ITGB7: variants seen among roughly 807,000 people sequenced by gnomAD.
The protein encoded by ITGB7 is integrin beta-7.
A neutral mutation model predicts 83.4 loss-of-function variants in ITGB7; 55 were observed. The ratio of observed to expected loss-of-function variants is 0.66; its 90% CI spans 0.53 to 0.83. The LOEUF (loss-of-function observed/expected upper bound fraction) is 0.83. Among genes scored for constraint, ITGB7 ranks in the 40% least tolerant of loss-of-function variants. The probability of loss-of-function intolerance (pLI) is 0.00; values close to 1 mark genes in which losing one functional copy is unlikely to be tolerated. For synonymous variants in ITGB7, 454 were observed against 423.6 expected, an observed-to-expected ratio of 1.07 and a Z score of -0.88; for missense variants, 921 against 1,046.7, an observed-to-expected ratio of 0.88 and a Z score of 1.66.
At position 53,207,235 on chromosome 12, in the gene ITGB7, A is replaced by G. The variant is rs1277296934; in HGVS notation, c.-160T>C. The G allele has an allele frequency of 6.5e-6, 1 of 152,692 alleles. No homozygotes were observed. Among genetic ancestry groups the G allele is most frequent in the African/African-American group, 2.4e-5 (1 of 41,418 alleles). 9.5% of individuals were successfully genotyped at this position (152,692 alleles called of 1,614,324 possible). A position where few individuals can be genotyped will look rare whatever the true frequency, so the allele number is the denominator to read the frequency against. On this transcript the variant is annotated 5_prime_UTR_variant, in exon 1 of 16. Transcript: ENST00000267082. The stretch of plus-strand genomic sequence containing the variant: ...GCAGAGCAGTCCTTCCTCTGGCGGC[A>G]GCAGCAGCCTTTGTGTACTGATCTG...
chr12:53,203,912 T>C (rs2120531244), intron 1 of ITGB7, among the ~76,000 whole-genome samples: 1 of 152,280 alleles, frequency 6.6e-6, no homozygotes, highest in South Asian at 2.1e-4. Flanking sequence ...CTCTTAGGTA[T>C]ATACTCAGAA....
At chr12:53,203,647 CAAAAAAAA>C (rs1158624130) in intron 1 of ITGB7, among the ~76,000 whole-genome samples, 174 of 51,060 alleles carry the variant, frequency 3.4e-3, no homozygotes, top group African/African-American at 9.0e-3. Context: ...GACCCTGTCT[CAAAAAAAA>C]AAAAAAAAAA....
At chr12:53,194,930 G>C (rs894694849) in intron 9 of ITGB7, 1 of 190,046 alleles carries the variant, frequency 5.3e-6, no homozygotes, top group Non-Finnish European at 1.1e-5. Context: ...TTTATGTACA[G>C]ACTGACTGGG....
chr12:53,205,267 C>T (rs1184311402), intron 1 of ITGB7, among the ~76,000 whole-genome samples: 1 of 152,158 alleles, frequency 6.6e-6, no homozygotes, highest in Non-Finnish European at 1.5e-5. Flanking sequence ...TCACTGCTGC[C>T]TTGACCTTGC....
chr12:53,203,934 A>G (rs1201322814), intron 1 of ITGB7, among the ~76,000 whole-genome samples: 1 of 152,210 alleles, frequency 6.6e-6, no homozygotes, highest in Non-Finnish European at 1.5e-5. Flanking sequence ...AATTGAAAAC[A>G]GGTGTTCAAA....
In ITGB7 at chr12:53,195,845, A is replaced by G. The variant is rs1005375301; in HGVS notation, c.976-124T>C. The stretch of plus-strand genomic sequence containing the variant: ...GCTGGAGGAGCCCTGGAGGCTTGCT[A>G]TGGAATAGGAAGGAGGTAGGGAATG... On this transcript the variant is annotated intron_variant, in intron 7 of 15. Coordinates refer to ENST00000267082, the MANE Select transcript of ITGB7 (RefSeq NM_000889.3). 6.4e-5 allele frequency: 64 copies of G among 998,116 alleles called. 1 individual carries two copies. Among genetic ancestry groups the G allele is most frequent in the African/African-American group, 8.0e-5 (5 of 62,226 alleles). The allele number at this position is 998,116 out of a possible 1,614,324, so 61.8% of individuals were successfully genotyped here. A position where few individuals can be genotyped will look rare whatever the true frequency, so the allele number is the denominator to read the frequency against.
Position 53,193,684 on chromosome 12 carries a change from TTGAAGGGAAGAGGAGG to T in ITGB7, c.1502+8_1502+23del. ...TGGTTGGTTGTTGGGAGCCAGGTGG[TTGAAGGGAAGAGGAGG>T]CCCTCACCTGCATACACCACATTGT... On this transcript the variant is annotated splice_region_variant and intron_variant, in intron 11 of 15. Transcript: ENST00000267082. 2 of 1,580,486 alleles carry T rather than the reference TTGAAGGGAAGAGGAGG, an allele frequency of 1.3e-6. No individual in the cohort carries two copies. The highest frequency in any genetic ancestry group is 1.7e-6 in the Non-Finnish European group (2 of 1,160,888).
chr12:53,195,666 G>C lies in ITGB7; in HGVS notation c.1031C>G (p.Pro344Arg). ...TGCGGCACTGGTGACAGCAAAGATG[G>C]GCTGGATATTTGCTGCAGAGAGGGC... The part of the protein sequence containing the change: ...AQALSAANIQ[P>R]IFAVTSAALP... The change falls in exon 8 of 16, where the codon CCC (proline) becomes CGC (arginine). Residue 344 changes from proline to arginine, a missense_variant. By Grantham distance (103) the Pro-to-Arg change is moderately radical (BLOSUM62 -2). Coordinates refer to ENST00000267082, the MANE Select transcript of ITGB7 (RefSeq NM_000889.3). The C allele has an allele frequency of 6.2e-7, 1 of 1,614,130 alleles. No homozygotes were observed. Among genetic ancestry groups the C allele is most frequent in the Non-Finnish European group, 8.5e-7 (1 of 1,180,002 alleles).
Position 53,200,381 on chromosome 12 carries a change from C to T in ITGB7, c.63G>A (p.Leu21=). Residue 21 remains leucine, a synonymous_variant, in exon 3 of 16, where the codon TTG becomes TTA. Coordinates refer to ENST00000267082, the MANE Select transcript of ITGB7 (RefSeq NM_000889.3). ...CCCCTGTGGATGGGATCTTGGCGTCCAATTCACTCTCACCTCTGCTCAGGA... is the reference window on the plus strand; with the variant it reads ...CCCCTGTGGATGGGATCTTGGCGTCTAATTCACTCTCACCTCTGCTCAGGA... ...LLVLSRGESE[L]DAKIPSTGDA... The T allele has an allele frequency of 6.2e-7, 1 of 1,614,136 alleles. No homozygotes were observed. Among genetic ancestry groups the T allele is most frequent in the Non-Finnish European group, 8.5e-7 (1 of 1,180,036 alleles).
intron 4 of ITGB7, 33 bp from the exon 5 acceptor site, chr12:53,197,696 C>G (rs375409129): frequency 6.2e-7 from 1 of 1,604,936 alleles, no homozygotes; most frequent in Admixed American, 1.7e-5. Flanking sequence ...GTCAGCAGAG[C>G]GCATTGGAAC....
At chr12:53,201,693 G>A (rs942194447) in intron 1 of ITGB7, among the ~76,000 whole-genome samples, 3 of 151,400 alleles carry the variant, frequency 2.0e-5, no homozygotes, top group Non-Finnish European at 4.4e-5. Context: ...ATATGGAATT[G>A]CTCGGAACCC....
intron 1 of ITGB7, among the ~76,000 whole-genome samples, chr12:53,205,381 G>C (rs1942417370): frequency 6.6e-6 from 1 of 151,734 alleles, no homozygotes; most frequent in Non-Finnish European, 1.5e-5. Flanking sequence ...CAGAGATGGG[G>C]CTTCCCCATG....
chr12:53,195,419 A>T lies in ITGB7; in HGVS notation c.1116T>A (p.Ser372Arg). 6.2e-7 allele frequency: 1 copy of T among 1,613,496 alleles called. No homozygotes were observed. The highest frequency in any genetic ancestry group is 1.7e-4 in the Middle Eastern group (1 of 6,040). The change falls in exon 9 of 16, where the codon AGT becomes AGA. Residue 372 changes from serine (S) to arginine (R), a missense_variant. Coordinates refer to ENST00000267082, the MANE Select transcript of ITGB7 (RefSeq NM_000889.3). ...GCTGTACCACGTTGCTGGAGTCCTC[A>T]CTCAGCTCCCCAACTGCAGACTTAG... ...LIPKSAVGEL[S>R]EDSSNVVQLI...
At chr12:53,203,812 A>G (rs1224565347) in intron 1 of ITGB7, among the ~76,000 whole-genome samples, 1 of 152,188 alleles carries the variant, frequency 6.6e-6, no homozygotes, top group African/African-American at 2.4e-5. Flanking sequence ...ATTACCGTGT[A>G]AGGAATGTAA....
intron 9 of ITGB7, 115 bp downstream of exon 9, chr12:53,195,259 A>G (rs1942117930): frequency 1.4e-6 from 1 of 731,516 alleles, no homozygotes; most frequent in Non-Finnish European, 2.5e-6. Flanking sequence ...GGAGCTGTGG[A>G]ATGTTAGACC....
At chr12:53,206,626 C>T (rs1159098069) in intron 1 of ITGB7, 3 of 152,268 alleles carry the variant, frequency 2.0e-5, no homozygotes, top group Non-Finnish European at 4.4e-5. Context: ...CACCCTGTGA[C>T]CCCCCTCAGC....
chr12:53,193,075 C>A (rs191980803), intron 12 of ITGB7, 65 bp downstream of exon 12: 2 of 1,476,294 alleles, frequency 1.4e-6, no homozygotes, highest in East Asian at 4.6e-5. Context: ...CCAGGAGATT[C>A]CCAGAGCCTA....
In ITGB7 at chr12:53,197,774, G is replaced by T. The variant is rs1304548458; in HGVS notation, c.379C>A (p.Arg127=). 1 of 1,564,544 alleles carries T rather than the reference G, an allele frequency of 6.4e-7. No individual in the cohort carries two copies. Reference sequence around the variant, plus strand: ...CCAGGCCGCAGCGTGACCCGGACCCGCTGCGGCGCCAGCTGGGTGGCACCC... The same window carrying T: ...CCAGGCCGCAGCGTGACCCGGACCCTCTGCGGCGCCAGCTGGGTGGCACCC... ...GEGATQLAPQ[R]VRVTLRPGEP... The change falls in exon 4 of 16, where the codon CGG becomes AGG. Residue 127 remains arginine, a synonymous_variant. Coordinates refer to ENST00000267082, the MANE Select transcript of ITGB7 (RefSeq NM_000889.3).
chr12:53,192,260 A>G (rs959491479), intron 14 of ITGB7, 70 bp downstream of exon 14: 9 of 1,498,700 alleles, frequency 6.0e-6, no homozygotes, highest in Non-Finnish European at 7.4e-6. Flanking sequence ...CATTATCTTC[A>G]CTCTGCATCC....
Sources: gnomAD v4.1 joint callset for allele counts (sites outside exome capture counted in the v4.1 genomes callset) on GRCh38, gnomAD v4.1.1 for gene constraint, MANE v1.5 for transcripts, NCBI Gene and HGNC (gene_info 2026-07-23, HGNC 2026-07-21) for gene names.